The following PTPRA variants were observed in gnomAD, a reference collection of about 807,000 sequenced individuals.
PTPRA encodes the protein receptor-type tyrosine-protein phosphatase alpha.
Under a neutral mutation model 104.8 loss-of-function variants are expected in PTPRA, and 25 were observed. The ratio of observed to expected loss-of-function variants is 0.24; its 90% confidence interval spans 0.17 to 0.33. PTPRA has a LOEUF of 0.33. Among genes scored for constraint, PTPRA ranks in the 10% least tolerant of loss-of-function variants. The pLI is 1.00. For missense variants in PTPRA, 765 were observed against 1,015.3 expected (o/e 0.75, Z 3.35); for synonymous variants, 323 against 368.9 (o/e 0.88, Z 1.43).
intron 5 of PTPRA, among the ~76,000 whole-genome samples, chr20:2,973,686 A>T (rs2062291810): frequency 6.6e-6 from 1 of 152,106 alleles, no homozygotes; most frequent in South Asian, 2.1e-4. Context: ...TCTCTTCCAA[A>T]AGATGTGACC....
At position 3,038,204 on chromosome 20, in the gene PTPRA, C is replaced by A. The variant is rs1331229444; in HGVS notation, c.*71C>A. The A allele has an allele frequency of 7.1e-7, 1 of 1,409,106 alleles. No individual in the cohort carries two copies. The highest frequency in any genetic ancestry group is 1.0e-6 in the Non-Finnish European group (1 of 998,236). The allele number at this position is 1,409,106 out of a possible 1,614,324, so 87.3% of individuals were successfully genotyped here. ...TGTAATATTCTGTTTTGTTAATATA[C>A]CCCAAATTGTGTATATATCTTATAA... On this transcript the variant is annotated 3_prime_UTR_variant, in exon 24 of 24. Coordinates refer to ENST00000399903, the MANE Select transcript of PTPRA (RefSeq NM_001385305.1).
chr20:2,897,384 C>CT (rs60627339), intron 1 of PTPRA, among the ~76,000 whole-genome samples: 4,238 of 108,926 alleles, frequency 0.039, 229 homozygotes, highest in African/African-American at 0.097. Flanking sequence ...CTTGGCATTT[C>CT]TTTTTTTTTT....
chr20:2,977,668 T>A (rs1166352342), intron 6 of PTPRA, among the ~76,000 whole-genome samples: 1 of 151,746 alleles, frequency 6.6e-6, no homozygotes, highest in Non-Finnish European at 1.5e-5. Context: ...GCGGGGATTA[T>A]CATAGTGCCA....
intron 1 of PTPRA, among the ~76,000 whole-genome samples, chr20:2,915,788 G>T (rs1486707367): frequency 6.6e-6 from 1 of 152,134 alleles, no homozygotes; most frequent in Non-Finnish European, 1.5e-5. Context: ...AGGATTTCAA[G>T]ATCAGCCTCA....
chr20:2,956,673 T>G (rs906777766), intron 3 of PTPRA, among the ~76,000 whole-genome samples: 3 of 139,316 alleles, frequency 2.2e-5, no homozygotes, highest in Admixed American at 2.1e-4. Context: ...AATAAATAAA[T>G]AAATAAATAA....
chr20:2,989,899 T>C (rs1448803581), intron 9 of PTPRA, among the ~76,000 whole-genome samples: 2 of 151,804 alleles, frequency 1.3e-5, no homozygotes, highest in South Asian at 2.1e-4. Context: ...CACCTATAGT[T>C]GCAGCTACTC....
chr20:2,904,937 A>G (rs1009055011), intron 1 of PTPRA, among the ~76,000 whole-genome samples: 4 of 152,156 alleles, frequency 2.6e-5, no homozygotes, highest in Non-Finnish European at 5.9e-5. Context: ...TAATCACCAA[A>G]TTATATAGAG....
intron 1 of PTPRA, among the ~76,000 whole-genome samples, chr20:2,895,656 A>G (rs2058970019): frequency 6.6e-6 from 1 of 152,132 alleles, no homozygotes; most frequent in Non-Finnish European, 1.5e-5. Context: ...AGCTGGGATT[A>G]CAGATGTGCA....
intron 9 of PTPRA, among the ~76,000 whole-genome samples, chr20:2,991,690 T>C (rs141187786): frequency 1.2e-3 from 176 of 152,284 alleles, no homozygotes; most frequent in African/African-American, 4.0e-3. Context: ...CGGATAGATA[T>C]TGTGGTGAGA....
At chr20:3,007,852 A>G (rs1379934498) in intron 11 of PTPRA, among the ~76,000 whole-genome samples, 3 of 152,214 alleles carry the variant, frequency 2.0e-5, no homozygotes, top group East Asian at 1.9e-4. Context: ...ATATATATAT[A>G]TATGACTATC....
At chr20:2,975,078 T>G in intron 5 of PTPRA, 137 bp from the exon 6 acceptor site, 1 of 720,348 alleles carries the variant, frequency 1.4e-6, no homozygotes, top group Admixed American at 2.8e-5. Context: ...CTGGGCAGCC[T>G]TGTTTCCCAG....
At chr20:2,894,073 A>G (rs1166626567) in intron 1 of PTPRA, among the ~76,000 whole-genome samples, 1 of 152,092 alleles carries the variant, frequency 6.6e-6, no homozygotes, top group African/African-American at 2.4e-5. Flanking sequence ...TATTTTTGGT[A>G]TTCCCGTATT....
chr20:2,937,898 C>T (rs1323625514), intron 2 of PTPRA, among the ~76,000 whole-genome samples: 1 of 152,122 alleles, frequency 6.6e-6, no homozygotes, highest in Non-Finnish European at 1.5e-5. Flanking sequence ...CTTGTGGTTT[C>T]CATGGTTCCT....
At chr20:2,879,674 A>G (rs2071065410) in intron 1 of PTPRA, among the ~76,000 whole-genome samples, 1 of 152,176 alleles carries the variant, frequency 6.6e-6, no homozygotes, top group Non-Finnish European at 1.5e-5. Flanking sequence ...TGCATATGCC[A>G]CAGTGGTCCC....
rs6132996 is a variant in PTPRA at position 2,965,197 on chromosome 20, C to T, written c.410C>T (p.Pro137Leu). The T allele has an allele frequency of 6.2e-7, 1 of 1,604,906 alleles. No individual in the cohort carries two copies. Among genetic ancestry groups the T allele is most frequent in the Non-Finnish European group, 8.5e-7 (1 of 1,172,446 alleles). The change falls in exon 5 of 24, where the codon CCT becomes CTT. Residue 137 changes from proline (P) to leucine (L), a missense_variant. Pro to Leu is a moderately conservative substitution (Grantham distance 98). Transcript: ENST00000399903. ...TAATTPETFP[P>L]SGNSDSKDRR... ...GCAACCACTCCAGAAACTTTCCCTC[C>T]TTCAGGTACTAGAGATGATTCTGTT...
At chr20:2,901,720 C>G (rs1485106611) in intron 1 of PTPRA, among the ~76,000 whole-genome samples, 1 of 152,022 alleles carries the variant, frequency 6.6e-6, no homozygotes, top group African/African-American at 2.4e-5. Context: ...TTACAATATA[C>G]AATACCTAAA....
chr20:2,949,751 G>A (rs2061291574), intron 3 of PTPRA, among the ~76,000 whole-genome samples: 1 of 151,790 alleles, frequency 6.6e-6, no homozygotes, highest in Admixed American at 6.6e-5. Context: ...CTTTTATCAG[G>A]TTAAGGAAGG....
intron 5 of PTPRA, among the ~76,000 whole-genome samples, chr20:2,974,763 A>G (rs2148022732): frequency 6.6e-6 from 1 of 152,256 alleles, no homozygotes. Flanking sequence ...GGGACAAAAG[A>G]ATATTGTACT....
intron 1 of PTPRA, among the ~76,000 whole-genome samples, chr20:2,886,781 G>A (rs1052184154): frequency 6.6e-6 from 1 of 151,320 alleles, no homozygotes; most frequent in Admixed American, 6.6e-5. Flanking sequence ...GCTTTAACCT[G>A]GGAGGTGGAG....
Sources: gnomAD v4.1 joint callset for allele counts (sites outside exome capture counted in the v4.1 genomes callset) on GRCh38, gnomAD v4.1.1 for gene constraint, MANE v1.5 for transcripts, NCBI Gene and HGNC (gene_info 2026-07-23, HGNC 2026-07-21) for gene names.